The following ZNF184 variants were observed in gnomAD, a reference collection of about 807,000 sequenced individuals.
The protein encoded by ZNF184 is zinc finger protein 184 (Kruppel-like).
Under a neutral mutation model 54.4 loss-of-function variants are expected in ZNF184, and 16 were observed. The observed-to-expected ratio is 0.29, with a 90% CI of 0.20 to 0.45. The LOEUF (loss-of-function observed/expected upper bound fraction) is 0.45. Ranked by LOEUF, ZNF184 falls within the 20% of genes least tolerant of loss-of-function variation. The pLI is 1.00. For missense variants in ZNF184, 681 were observed against 888.2 expected, an observed-to-expected ratio of 0.77 and a Z score of 2.97; for synonymous variants, 254 against 295.3, an observed-to-expected ratio of 0.86 and a Z score of 1.43.
At chr6:27,411,433 AC>A in the ZNF184 span, among the ~76,000 whole-genome samples, 1 of 152,250 alleles carries the variant, frequency 6.6e-6, no homozygotes, top group African/African-American at 2.4e-5. Context: ...ACCAGTGGCT[AC>A]ATTCCTTAAA....
At chr6:27,410,692 C>T in the ZNF184 span, among the ~76,000 whole-genome samples, 9 of 152,188 alleles carry the variant, frequency 5.9e-5, no homozygotes, top group African/African-American at 1.7e-4. Context: ...CCACCACGCC[C>T]GGCTAATTTT....
the ZNF184 span, among the ~76,000 whole-genome samples, chr6:27,430,469 T>C: frequency 4.6e-5 from 7 of 152,110 alleles, no homozygotes; most frequent in East Asian, 1.4e-3. Context: ...GTTAGCAGCG[T>C]GGACTCTAAA....
At chr6:27,469,330 A>G (rs1161076504) in intron 2 of ZNF184, among the ~76,000 whole-genome samples, 1 of 152,228 alleles carries the variant, frequency 6.6e-6, no homozygotes, top group Non-Finnish European at 1.5e-5. Context: ...GTGAGGGAAG[A>G]TGTCTCTGGA....
the ZNF184 span, among the ~76,000 whole-genome samples, chr6:27,408,942 C>G: frequency 6.6e-6 from 1 of 152,212 alleles, no homozygotes; most frequent in South Asian, 2.1e-4. Flanking sequence ...AAGTTCTATT[C>G]AGGAGGAATA....
the ZNF184 span, among the ~76,000 whole-genome samples, chr6:27,417,554 C>G: frequency 6.6e-6 from 1 of 152,256 alleles, no homozygotes; most frequent in Admixed American, 6.5e-5. Context: ...TTTGAGAAAT[C>G]CTGGAGAAGA....
the ZNF184 span, among the ~76,000 whole-genome samples, chr6:27,438,400 A>G: frequency 6.6e-6 from 1 of 152,224 alleles, no homozygotes; most frequent in African/African-American, 2.4e-5. Flanking sequence ...TTCTCTGAGG[A>G]GGAAGTGATA....
At chr6:27,438,284 C>G in the ZNF184 span, among the ~76,000 whole-genome samples, 7,315 of 151,994 alleles carry the variant, frequency 0.048, 254 homozygotes, top group Non-Finnish European at 0.072. Flanking sequence ...GTCTTGAGAA[C>G]TAATTATATT....
At chr6:27,467,493 G>A (rs374672068) in intron 3 of ZNF184, among the ~76,000 whole-genome samples, 12 of 152,224 alleles carry the variant, frequency 7.9e-5, no homozygotes, top group South Asian at 4.1e-4. Flanking sequence ...TACTCGGGAC[G>A]CTCAGGCAGG....
chr6:27,424,008 C>T, the ZNF184 span, among the ~76,000 whole-genome samples: 1 of 152,208 alleles, frequency 6.6e-6, no homozygotes, highest in South Asian at 2.1e-4. Context: ...GTCTCACTGA[C>T]TTCAAGAATG....
chr6:27,462,441 A>G (rs1050347496), intron 3 of ZNF184, among the ~76,000 whole-genome samples: 2 of 150,850 alleles, frequency 1.3e-5, no homozygotes, highest in Non-Finnish European at 2.9e-5. Context: ...CTCGTGATCC[A>G]CCCGCCTTGG....
chr6:27,430,769 T>C, the ZNF184 span, among the ~76,000 whole-genome samples: 18 of 152,260 alleles, frequency 1.2e-4, no homozygotes, highest in African/African-American at 4.3e-4. Context: ...GCAGTGTTCA[T>C]AGGAAACAAA....
the ZNF184 span, among the ~76,000 whole-genome samples, chr6:27,444,496 T>TC: frequency 6.6e-6 from 1 of 152,154 alleles, no homozygotes; most frequent in Non-Finnish European, 1.5e-5. Context: ...AATCCTCAAC[T>TC]CCATGTCCTC....
the ZNF184 span, among the ~76,000 whole-genome samples, chr6:27,419,591 T>C: frequency 8.5e-5 from 13 of 152,180 alleles, no homozygotes; most frequent in Non-Finnish European, 1.6e-4. This position sits in a 1 kb window ranked among gnomAD's most constrained non-coding sequence, Gnocchi z 4.8. Flanking sequence ...AATAGATAGA[T>C]AGATGATGTC....
At chr6:27,422,203 A>T in the ZNF184 span, among the ~76,000 whole-genome samples, 3 of 105,170 alleles carry the variant, frequency 2.9e-5, no homozygotes, top group African/African-American at 1.0e-4. Flanking sequence ...AAAGAAAGAA[A>T]GAAAGAAAGA....
chr6:27,470,510 A>G (rs2113739556), intron 2 of ZNF184, among the ~76,000 whole-genome samples: 1 of 152,338 alleles, frequency 6.6e-6, no homozygotes, highest in Non-Finnish European at 1.5e-5. Context: ...CTTGATCTTG[A>G]CCAGTAAAGA....
At chr6:27,422,616 T>TCAC in the ZNF184 span, among the ~76,000 whole-genome samples, 1 of 152,176 alleles carries the variant, frequency 6.6e-6, no homozygotes, top group Non-Finnish European at 1.5e-5. Context: ...AGTTTTTGGA[T>TCAC]ATGTTCCTCA....
At chr6:27,438,972 A>T in the ZNF184 span, among the ~76,000 whole-genome samples, 1 of 152,122 alleles carries the variant, frequency 6.6e-6, no homozygotes, top group Non-Finnish European at 1.5e-5. Flanking sequence ...CATTCGCTTT[A>T]ATTTTTTATT....
Position 27,472,199 on chromosome 6 carries a change from T to G in ZNF184, c.7+89A>C. 1 of 1,563,358 alleles carries G rather than the reference T, an allele frequency of 6.4e-7. No homozygotes were observed. Among genetic ancestry groups the G allele is most frequent in the Non-Finnish European group, 8.8e-7 (1 of 1,139,794 alleles). ...GCATACCGTTCCTTCCTTCCAAATCTCCTGCTCTGATCTCAAGTATTTGAT... is the reference window on the plus strand; with the variant it reads ...GCATACCGTTCCTTCCTTCCAAATCGCCTGCTCTGATCTCAAGTATTTGAT... On this transcript the variant is annotated intron_variant, in intron 2 of 5. Transcript: ENST00000683788. The surrounding 1 kb of genome is among the most constrained non-coding windows in gnomAD (Gnocchi z 4.8).
chr6:27,417,396 T>C, the ZNF184 span, among the ~76,000 whole-genome samples: 35 of 151,880 alleles, frequency 2.3e-4, no homozygotes, highest in Non-Finnish European at 4.0e-4. Flanking sequence ...TTTTTTTTTT[T>C]CCTCAATCCT....
Sources: allele counts gnomAD v4.1 joint callset (sites outside exome capture counted in the v4.1 genomes callset), GRCh38; gene constraint gnomAD v4.1.1; non-coding constraint Gnocchi (gnomAD v3.1); transcripts MANE v1.5; gene names NCBI Gene and HGNC (gene_info 2026-07-23, HGNC 2026-07-21).